SLC10A7: variants seen among roughly 807,000 people sequenced by gnomAD.
SLC10A7 encodes the protein sodium/bile acid cotransporter 7.
SLC10A7 carries 29 observed loss-of-function variants against 43.2 expected under a neutral mutation model. The ratio of observed to expected loss-of-function variants is 0.67; its 90% confidence interval spans 0.50 to 0.92. The LOEUF (loss-of-function observed/expected upper bound fraction) is 0.92. SLC10A7 is among the 40% of genes least tolerant of loss of function. The pLI is 0.00. For synonymous variants in SLC10A7, 152 were observed against 144.8 expected (o/e 1.05, Z -0.35); for missense variants, 295 against 403.2 (o/e 0.73, Z 2.30).
chr4:146,355,904 G>T (rs1408828404), intron 5 of SLC10A7, among the ~76,000 whole-genome samples: 2 of 107,144 alleles, frequency 1.9e-5, no homozygotes, highest in African/African-American at 7.1e-5. Flanking sequence ...TGGGGGGAGG[G>T]GGGAGGGATA....
chr4:146,301,863 A>T (rs1252519634), intron 7 of SLC10A7, among the ~76,000 whole-genome samples: 5 of 151,962 alleles, frequency 3.3e-5, no homozygotes, highest in Non-Finnish European at 5.9e-5. Flanking sequence ...CCTCGAAAAG[A>T]GTCATCAAAG....
chr4:146,474,414 T>C (rs1733861985), intron 4 of SLC10A7, among the ~76,000 whole-genome samples: 1 of 152,132 alleles, frequency 6.6e-6, no homozygotes, highest in African/African-American at 2.4e-5. Flanking sequence ...AACTTGACTT[T>C]TGATTAACAA....
At chr4:146,394,290 T>C (rs1738655408) in intron 5 of SLC10A7, among the ~76,000 whole-genome samples, 1 of 152,214 alleles carries the variant, frequency 6.6e-6, no homozygotes, top group Non-Finnish European at 1.5e-5. Flanking sequence ...TGTGACTAAA[T>C]AACAAAATCA....
chr4:146,305,855 T>C, intron 7 of SLC10A7, 71 bp downstream of exon 7: 1 of 1,318,562 alleles, frequency 7.6e-7, no homozygotes, highest in South Asian at 1.5e-5. Flanking sequence ...TTCTCTCAAC[T>C]GCTCTGACAT....
chr4:146,485,578 AT>A (rs1305370202), intron 4 of SLC10A7, among the ~76,000 whole-genome samples: 11 of 152,296 alleles, frequency 7.2e-5, no homozygotes, highest in Middle Eastern at 3.4e-3. Context: ...CCTTCAGAGT[AT>A]TTATTACTGC....
rs1731572200 is a variant in SLC10A7, at chr4:146,306,377, ATGTCTCATTCCT to A, written c.472-380_472-369del. ...ACCTGTCTGTAGATATCTAAAATAA[ATGTCTCATTCCT>A]TTATCAAGATAACATTTTTATTTAT... On this transcript the variant is annotated intron_variant, in intron 6 of 11. Transcript: ENST00000335472. Among the ~76,000 whole-genome samples the A allele has an allele frequency of 3.3e-5, 5 of 152,242 alleles. No homozygotes were observed. In the South Asian group the frequency reaches 1.0e-3, roughly 32 times the overall value.
At chr4:146,471,929 A>G (rs528283910) in intron 4 of SLC10A7, among the ~76,000 whole-genome samples, 1 of 152,264 alleles carries the variant, frequency 6.6e-6, no homozygotes, top group East Asian at 1.9e-4. Flanking sequence ...TATCAAATTC[A>G]CGAACTCAAG....
At chr4:146,431,282 T>C (rs1347208206) in intron 5 of SLC10A7, among the ~76,000 whole-genome samples, 1 of 152,180 alleles carries the variant, frequency 6.6e-6, no homozygotes, top group Non-Finnish European at 1.5e-5. Context: ...AGGCTGGATT[T>C]ACAGGGCAAA....
At position 146,510,030 on chromosome 4, in the gene SLC10A7, A is replaced by C; in HGVS notation, c.203T>G (p.Val68Gly). The change falls in exon 3 of 12, where the codon GTG (valine) becomes GGG (glycine). Residue 68 changes from valine to glycine, a missense_variant. Physicochemically the swap from Val to Gly is moderately radical, Grantham distance 109. Coordinates refer to ENST00000335472, the MANE Select transcript of SLC10A7 (RefSeq NM_001029998.6). ...LKTEELTSALVHLKLHLFIQI... is the reference protein window; with the variant it reads ...LKTEELTSALGHLKLHLFIQI... ...AATAAAAAGATGCAGTTTTAGATGC[A>C]CCAAAGCACTGGTCAGCTCCTGGAA... is the stretch of plus-strand genomic sequence containing the variant. The C allele has an allele frequency of 6.2e-7, 1 of 1,610,810 alleles. No homozygotes were observed. Among genetic ancestry groups the C allele is most frequent in the Admixed American group, 1.7e-5 (1 of 59,652 alleles).
chr4:146,278,535 A>C (rs1352853521), intron 10 of SLC10A7, among the ~76,000 whole-genome samples: 1 of 152,210 alleles, frequency 6.6e-6, no homozygotes, highest in African/African-American at 2.4e-5. Flanking sequence ...CTCCTAAGAC[A>C]GTTTGGAGGG....
chr4:146,468,397 G>A (rs573710072), intron 4 of SLC10A7, among the ~76,000 whole-genome samples: 13 of 151,846 alleles, frequency 8.6e-5, no homozygotes, highest in Admixed American at 8.5e-4. Flanking sequence ...TTTAATGTGG[G>A]AAAAAGGAGG....
intron 5 of SLC10A7, among the ~76,000 whole-genome samples, chr4:146,376,769 C>A (rs1447116561): frequency 6.6e-6 from 1 of 152,228 alleles, no homozygotes. Context: ...GCAGTTTTGC[C>A]GCGACTGTAT....
At chr4:146,460,391 G>C (rs1043864690) in intron 4 of SLC10A7, among the ~76,000 whole-genome samples, 1 of 151,886 alleles carries the variant, frequency 6.6e-6, no homozygotes, top group Non-Finnish European at 1.5e-5. Flanking sequence ...TCAAATGTTC[G>C]GATTTATTTG....
intron 4 of SLC10A7, among the ~76,000 whole-genome samples, chr4:146,469,478 C>T (rs1182893527): frequency 6.6e-6 from 1 of 152,168 alleles, no homozygotes; most frequent in Non-Finnish European, 1.5e-5. Flanking sequence ...ATACTATCAT[C>T]AAAATCAACC....
At chr4:146,349,159 C>T (rs938991466) in intron 5 of SLC10A7, among the ~76,000 whole-genome samples, 4 of 152,048 alleles carry the variant, frequency 2.6e-5, no homozygotes, top group East Asian at 1.9e-4. Context: ...TACAATTAGA[C>T]CCACAACCTA....
At chr4:146,403,912 G>A (rs1227599274) in intron 5 of SLC10A7, among the ~76,000 whole-genome samples, 2 of 152,124 alleles carry the variant, frequency 1.3e-5, no homozygotes, top group African/African-American at 4.8e-5. Context: ...GTCCATGATG[G>A]CTTTGATAGA....
chr4:146,330,451 T>C (rs1445216946), intron 5 of SLC10A7, among the ~76,000 whole-genome samples: 1 of 152,126 alleles, frequency 6.6e-6, no homozygotes, highest in Non-Finnish European at 1.5e-5. Flanking sequence ...ATAAAGAATA[T>C]CAGTTTTGAA....
At chr4:146,266,658 T>G (rs550429415) in intron 10 of SLC10A7, among the ~76,000 whole-genome samples, 24 of 152,300 alleles carry the variant, frequency 1.6e-4, no homozygotes, top group African/African-American at 5.5e-4. Context: ...AGCAAGCTAA[T>G]TTCTAGTAAT....
At chr4:146,511,334 A>G (rs1737443574) in intron 2 of SLC10A7, among the ~76,000 whole-genome samples, 1 of 152,228 alleles carries the variant, frequency 6.6e-6, no homozygotes, top group South Asian at 2.1e-4. Flanking sequence ...ATAAAACTGG[A>G]AAGTGCTAGA....
Sources: gnomAD v4.1 joint callset for allele counts (sites outside exome capture counted in the v4.1 genomes callset) on GRCh38, gnomAD v4.1.1 for gene constraint, MANE v1.5 for transcripts, NCBI Gene and HGNC (gene_info 2026-07-23, HGNC 2026-07-21) for gene names.